The following LRP1B variants were observed in gnomAD, a reference collection of about 807,000 sequenced individuals.
LRP1B encodes the protein LDL receptor related protein 1B, also known as low-density lipoprotein receptor-related protein 1B.
LRP1B carries 217 observed loss-of-function variants against 556.6 expected under a neutral mutation model. That is an observed-to-expected ratio of 0.39 (90% CI 0.35 to 0.44). The LOEUF (loss-of-function observed/expected upper bound fraction) is 0.44, where lower values mean the gene tolerates loss of function less well. Ranked by LOEUF, LRP1B falls within the 20% of genes least tolerant of loss-of-function variation. LRP1B has a pLI of 1.00. For missense variants in LRP1B, 5,053 were observed against 5,620.8 expected (o/e 0.90, Z 3.23); for synonymous variants, 2,047 against 1,865.8 (o/e 1.10, Z -2.50).
chr2:141,143,472 G>C (rs1329563420), intron 7 of LRP1B, among the ~76,000 whole-genome samples: 39 of 151,948 alleles, frequency 2.6e-4, no homozygotes, highest in Admixed American at 2.6e-3. Context: ...TTATTTATTG[G>C]CTTTTTCTCT....
At chr2:141,874,144 G>T (rs971567175) in intron 1 of LRP1B, among the ~76,000 whole-genome samples, 1 of 125,554 alleles carries the variant, frequency 8.0e-6, no homozygotes, top group African/African-American at 3.2e-5. Flanking sequence ...TATTTAATCC[G>T]GAATGTTTAT....
At chr2:140,433,377 C>T (rs1487337231) in intron 66 of LRP1B, among the ~76,000 whole-genome samples, 3 of 152,034 alleles carry the variant, frequency 2.0e-5, no homozygotes, top group South Asian at 2.1e-4. Context: ...GAAGTACAAG[C>T]GTGAGCCACT....
intron 2 of LRP1B, among the ~76,000 whole-genome samples, chr2:141,691,346 G>A (rs967758328): frequency 6.6e-6 from 1 of 151,490 alleles, no homozygotes; most frequent in Non-Finnish European, 1.5e-5. Flanking sequence ...TTCTGATTTA[G>A]ACCCAGAATT....
At chr2:141,368,307 G>A (rs930017204) in intron 3 of LRP1B, among the ~76,000 whole-genome samples, 1 of 152,144 alleles carries the variant, frequency 6.6e-6, no homozygotes, top group Non-Finnish European at 1.5e-5. Flanking sequence ...TTTTGGAGAT[G>A]AGGCCTTCCT....
intron 3 of LRP1B, among the ~76,000 whole-genome samples, chr2:141,283,861 G>A (rs1239081201): frequency 2.6e-5 from 4 of 151,950 alleles, no homozygotes; most frequent in African/African-American, 7.2e-5. Context: ...GTCATAAAAA[G>A]GAAGGGAATA....
intron 47 of LRP1B, among the ~76,000 whole-genome samples, chr2:140,531,712 A>T (rs1690701051): frequency 6.6e-6 from 1 of 152,084 alleles, no homozygotes; most frequent in South Asian, 2.1e-4. Flanking sequence ...TCTGTCTTCA[A>T]CCAACGTGCT....
chr2:141,818,621 C>A (rs946240182), intron 1 of LRP1B, among the ~76,000 whole-genome samples: 4 of 143,128 alleles, frequency 2.8e-5, no homozygotes, highest in Non-Finnish European at 4.5e-5. Context: ...AATGCAACCT[C>A]TGCCTCCCAG....
intron 37 of LRP1B, among the ~76,000 whole-genome samples, chr2:140,713,962 T>A (rs1254485554): frequency 1.3e-5 from 2 of 152,136 alleles, no homozygotes. Context: ...TTTATAGTGA[T>A]CTTATGAAAC....
rs1022349696 is a variant in LRP1B at position 140,783,572 on chromosome 2, A to C, written c.5360-7334T>G. On this transcript the variant is annotated intron_variant, in intron 32 of 90. Transcript: ENST00000389484. ...CAGAAGTGGATTGAAAGTAGATTAT[A>C]CCTGGTCATGAGTTAATAGATAAAA... Among the ~76,000 whole-genome samples the C allele has an allele frequency of 2.0e-5, 3 of 152,176 alleles. No individual in the cohort carries two copies. In the East Asian group the frequency reaches 5.8e-4, roughly 29 times the overall value.
At chr2:141,914,675 T>C (rs1299889029) in intron 1 of LRP1B, among the ~76,000 whole-genome samples, 2 of 152,116 alleles carry the variant, frequency 1.3e-5, no homozygotes, top group Non-Finnish European at 2.9e-5. Flanking sequence ...CAAAACTCAA[T>C]GTAAAAAATC....
rs765440946 is a variant in LRP1B, at chr2:140,994,132, T to G, written c.2507A>C (p.Asn836Thr). ...TATGTGAGGTAGTGCTTCTCCAGGA[T>G]TAACTAGAGTTAAAAAAACCCAAGG... is the stretch of plus-strand genomic sequence containing the variant. ...LDENGTTCTF[N>T]PGEALPHICK... Residue 836 changes from asparagine to threonine, a missense_variant, in exon 16 of 91, where the codon AAT becomes ACT. This residue lies in a region of LRP1B where 3,619 missense variants were observed against 3,931.9 expected (regional missense o/e 0.92). Coordinates refer to ENST00000389484, the MANE Select transcript of LRP1B (RefSeq NM_018557.3). 6.2e-7 allele frequency: 1 copy of G among 1,611,874 alleles called. No individual in the cohort carries two copies. The highest frequency in any genetic ancestry group is 1.1e-5 in the South Asian group (1 of 90,964).
In LRP1B at chr2:141,845,036, AT is replaced by A. The variant is rs150171812; in HGVS notation, c.83-34636del. Among the ~76,000 whole-genome samples, 175 of 151,758 alleles carry A rather than the reference AT, an allele frequency of 1.2e-3. 2 individuals are homozygous for A. In the East Asian group the frequency reaches 0.033, roughly 29 times the overall value. On this transcript the variant is annotated intron_variant, in intron 1 of 90. Transcript: ENST00000389484. Reference sequence around the variant, plus strand: ...TTTTATTCAATTTAAATATATTTAAATATATTTTATCACCTGAAAATTAGCT... The same window carrying A: ...TTTTATTCAATTTAAATATATTTAAAATATTTTATCACCTGAAAATTAGCT...
intron 3 of LRP1B, among the ~76,000 whole-genome samples, chr2:141,375,823 G>A (rs767081064): frequency 6.6e-6 from 1 of 152,166 alleles, no homozygotes; most frequent in Non-Finnish European, 1.5e-5. Context: ...CTGTGGGGCA[G>A]TGAGTACTGC....
At chr2:140,750,851 C>T (rs1435368232) in intron 35 of LRP1B, among the ~76,000 whole-genome samples, 2 of 152,076 alleles carry the variant, frequency 1.3e-5, no homozygotes, top group African/African-American at 4.8e-5. Flanking sequence ...CTAAATTAAG[C>T]AGTTCTTAGA....
chr2:141,112,071 T>TAAATATTA (rs1553461490), intron 7 of LRP1B, among the ~76,000 whole-genome samples: 1 of 145,754 alleles, frequency 6.9e-6, no homozygotes. Context: ...AATAAATAAA[T>TAAATATTA]AATAAATAAA....
intron 18 of LRP1B, among the ~76,000 whole-genome samples, chr2:140,966,168 C>T (rs1473800250): frequency 6.6e-6 from 1 of 152,194 alleles, no homozygotes; most frequent in Non-Finnish European, 1.5e-5. Context: ...TACAGTCCCA[C>T]CAACAGTGTA....
chr2:141,170,856 G>A (rs1680473011), intron 7 of LRP1B, among the ~76,000 whole-genome samples: 1 of 152,130 alleles, frequency 6.6e-6, no homozygotes, highest in Admixed American at 6.6e-5. Flanking sequence ...AAATTGGATT[G>A]TAACTGAGTG....
rs149579444 is a variant in LRP1B at position 140,952,761 on chromosome 2, G to T, written c.2888-821C>A. Among the ~76,000 whole-genome samples the T allele has an allele frequency of 5.9e-5, 9 of 152,094 alleles. No homozygotes were observed. In the East Asian group the frequency reaches 1.7e-3, roughly 30 times the overall value. On this transcript the variant is annotated intron_variant, in intron 18 of 90. Coordinates refer to ENST00000389484, the MANE Select transcript of LRP1B (RefSeq NM_018557.3). ...TCAAGGTGAATAGCCAAAAAAGAGG[G>T]GTAACAGTAGTCAGAGAAAAATATA...
At chr2:140,832,669 C>T (rs1288433891) in intron 31 of LRP1B, among the ~76,000 whole-genome samples, 2 of 152,058 alleles carry the variant, frequency 1.3e-5, no homozygotes, top group African/African-American at 4.8e-5. Context: ...TGTTCTCCCA[C>T]ATATATGGAA....
Sources: gnomAD v4.1 joint callset for allele counts (sites outside exome capture counted in the v4.1 genomes callset) on GRCh38, gnomAD v4.1.1 for gene constraint, gnomAD v4.1.1 regional missense constraint, MANE v1.5 for transcripts, NCBI Gene and HGNC (gene_info 2026-07-23, HGNC 2026-07-21) for gene names.